The following MLLT3 variants were observed in gnomAD, a reference collection of about 807,000 sequenced individuals.
The protein encoded by MLLT3 is protein AF-9.
In MLLT3, 4 loss-of-function variants were observed where a neutral mutation model predicts 53.2. That is an observed-to-expected ratio of 0.08 (90% CI 0.04 to 0.17). The LOEUF (loss-of-function observed/expected upper bound fraction) is 0.17, where lower values mean the gene tolerates loss of function less well. MLLT3 is among the 10% of genes least tolerant of loss of function. MLLT3 has a pLI of 1.00. For synonymous variants in MLLT3, 283 were observed against 230.6 expected, an observed-to-expected ratio of 1.23 and a Z score of -2.06; for missense variants, 569 against 684.0, an observed-to-expected ratio of 0.83 and a Z score of 1.87.
At chr9:20,462,479 A>C (rs1271032110) in intron 2 of MLLT3, among the ~76,000 whole-genome samples, 1 of 152,146 alleles carries the variant, frequency 6.6e-6, no homozygotes, top group Non-Finnish European at 1.5e-5. Flanking sequence ...ATAACTGTCT[A>C]ATTAACGTTC....
intron 2 of MLLT3, among the ~76,000 whole-genome samples, chr9:20,616,545 A>G: frequency 6.6e-6 from 1 of 152,206 alleles, no homozygotes; most frequent in East Asian, 1.9e-4. Context: ...AGTAGCTACT[A>G]AACTACTAGT....
rs113719206 is a variant in MLLT3 at position 20,491,237 on chromosome 9, G to A, written c.194-34451C>T. ...CAATACTTTGTCAATCAAAGGCTAC[G>A]TTTTAACATTAATTTTTTTAATTCT... is the stretch of plus-strand genomic sequence containing the variant. On this transcript the variant is annotated intron_variant, in intron 2 of 10. Transcript: ENST00000380338. Among the ~76,000 whole-genome samples, 634 of 152,116 alleles carry A rather than the reference G, an allele frequency of 4.2e-3. 3 individuals are homozygous for A. The highest frequency in any genetic ancestry group is 7.9e-3 in the Non-Finnish European group (536 of 67,980).
chr9:20,420,315 A>G (rs2118791186), intron 4 of MLLT3, among the ~76,000 whole-genome samples: 1 of 152,348 alleles, frequency 6.6e-6, no homozygotes, highest in Admixed American at 6.5e-5. Context: ...AAACTGTCAG[A>G]CTGGGCTAAA....
chr9:20,392,334 G>A (rs1041784917), intron 5 of MLLT3, among the ~76,000 whole-genome samples: 8 of 152,156 alleles, frequency 5.3e-5, no homozygotes, highest in Middle Eastern at 3.4e-3. Context: ...CAAACATAAG[G>A]CCCAGATGCA....
chr9:20,542,063 G>A (rs570964842), intron 2 of MLLT3, among the ~76,000 whole-genome samples: 74 of 152,202 alleles, frequency 4.9e-4, no homozygotes, highest in Non-Finnish European at 9.1e-4. Flanking sequence ...TATGGCAGCT[G>A]TTGCTTTATG....
intron 5 of MLLT3, among the ~76,000 whole-genome samples, chr9:20,410,375 T>C (rs188672137): frequency 6.1e-4 from 93 of 152,282 alleles, no homozygotes; most frequent in African/African-American, 2.0e-3. Context: ...TTCACCCACA[T>C]TGATTTATTA....
chr9:20,397,663 T>C (rs1242616689), intron 5 of MLLT3, among the ~76,000 whole-genome samples: 1 of 152,172 alleles, frequency 6.6e-6, no homozygotes, highest in East Asian at 1.9e-4. Context: ...GGTTTCAAAG[T>C]ACATGTGCTG....
chr9:20,606,097 A>G (rs887337017), intron 2 of MLLT3, among the ~76,000 whole-genome samples: 22 of 152,160 alleles, frequency 1.4e-4, no homozygotes, highest in African/African-American at 5.3e-4. Context: ...CGAGAATTCA[A>G]TAACGTAAAA....
chr9:20,582,720 G>C (rs926460741), intron 2 of MLLT3, among the ~76,000 whole-genome samples: 8 of 152,266 alleles, frequency 5.3e-5, no homozygotes, highest in South Asian at 2.1e-4. Context: ...AGCAAAAGCA[G>C]AAACCCCTGA....
At chr9:20,360,548 T>C (rs560925669) in intron 8 of MLLT3, among the ~76,000 whole-genome samples, 194 bp downstream of exon 8, 2 of 152,354 alleles carry the variant, frequency 1.3e-5, no homozygotes, top group South Asian at 2.1e-4. Context: ...GTGGAACATA[T>C]TCATCTTCTC....
rs573892613 is a variant in MLLT3, at chr9:20,359,570, C to T, written c.1431+1172G>A. 5.9e-5 allele frequency among the ~76,000 whole-genome samples: 9 copies of T among 152,292 alleles called. No individual in the cohort carries two copies. The South Asian group carries it at 6.2e-4, about 11-fold the overall frequency. ...TGGTATCATTCCTACTTAACAAGAACGGATTTGCATTATAGACAAACCTTA... is the reference window on the plus strand; with the variant it reads ...TGGTATCATTCCTACTTAACAAGAATGGATTTGCATTATAGACAAACCTTA... On this transcript the variant is annotated intron_variant, in intron 8 of 10. Transcript: ENST00000380338.
intron 2 of MLLT3, among the ~76,000 whole-genome samples, chr9:20,469,020 A>G (rs1317965619): frequency 6.6e-6 from 1 of 152,226 alleles, no homozygotes; most frequent in East Asian, 1.9e-4. Context: ...ACCATTAAAT[A>G]AAGGAATACT....
chr9:20,600,946 T>C (rs780244319), intron 2 of MLLT3, among the ~76,000 whole-genome samples: 7 of 152,176 alleles, frequency 4.6e-5, no homozygotes, highest in Non-Finnish European at 8.8e-5. Context: ...AAAATGGCTT[T>C]AAATTGTGAC....
chr9:20,484,322 C>T (rs1450016706), intron 2 of MLLT3, among the ~76,000 whole-genome samples: 1 of 152,074 alleles, frequency 6.6e-6, no homozygotes, highest in Admixed American at 6.6e-5. Flanking sequence ...CATCCTTCAC[C>T]ATGCTCTCCA....
intron 5 of MLLT3, among the ~76,000 whole-genome samples, chr9:20,411,563 G>A (rs1822728885): frequency 6.6e-6 from 1 of 152,174 alleles, no homozygotes; most frequent in African/African-American, 2.4e-5. Flanking sequence ...ATGCTATGCA[G>A]AGTACATTAC....
chr9:20,457,293 G>A (rs1823995561), intron 2 of MLLT3, among the ~76,000 whole-genome samples: 1 of 133,182 alleles, frequency 7.5e-6, no homozygotes, highest in Non-Finnish European at 1.5e-5. Context: ...TTGTTGCCCA[G>A]GCTGGAGTGC....
rs555705105 is a variant in MLLT3, at chr9:20,598,201, T to C, written c.193+22453A>G. Among the ~76,000 whole-genome samples, 32 of 152,282 alleles carry C rather than the reference T, an allele frequency of 2.1e-4. No individual in the cohort carries two copies. The East Asian group carries it at 4.2e-3, about 20-fold the overall frequency. On this transcript the variant is annotated intron_variant, in intron 2 of 10. Coordinates refer to ENST00000380338, the MANE Select transcript of MLLT3 (RefSeq NM_004529.4). ...AATGCTGTAGAAACCAAAAATGATA[T>C]AAAATATGAAAGATTCAGGTTCAAA...
intron 2 of MLLT3, among the ~76,000 whole-genome samples, chr9:20,592,942 A>C (rs900819721): frequency 6.6e-6 from 1 of 152,226 alleles, no homozygotes; most frequent in Admixed American, 6.5e-5. Context: ...AAACTAAAGA[A>C]GCAATGAAAG....
At chr9:20,571,080 G>C (rs544855804) in intron 2 of MLLT3, among the ~76,000 whole-genome samples, 19 of 152,212 alleles carry the variant, frequency 1.2e-4, no homozygotes, top group Non-Finnish European at 2.5e-4. Context: ...CAGTGGCTTA[G>C]TTACACACAG....
Sources: allele counts gnomAD v4.1 joint callset (sites outside exome capture counted in the v4.1 genomes callset), GRCh38; gene constraint gnomAD v4.1.1; transcripts MANE v1.5; gene names NCBI Gene and HGNC (gene_info 2026-07-23, HGNC 2026-07-21).